Variants in HECW2 observed in about 807,000 individuals in gnomAD.
The protein encoded by HECW2 is HECT, C2 and WW domain containing E3 ubiquitin protein ligase 2.
In HECW2, 61 loss-of-function variants were observed where a neutral mutation model predicts 175.2. The observed-to-expected ratio is 0.35, with a 90% confidence interval of 0.28 to 0.43. The LOEUF (loss-of-function observed/expected upper bound fraction) is 0.43. HECW2 is among the 20% of genes least tolerant of loss of function. The probability of loss-of-function intolerance (pLI) is 1.00; values close to 1 mark genes in which losing one functional copy is unlikely to be tolerated. For missense variants in HECW2, 1,524 were observed against 2,000.5 expected (o/e 0.76, Z 4.54); for synonymous variants, 671 against 731.0 (o/e 0.92, Z 1.32).
chr2:196,444,208 T>C (rs893145210), intron 1 of HECW2, among the ~76,000 whole-genome samples: 7 of 152,228 alleles, frequency 4.6e-5, no homozygotes, highest in African/African-American at 4.8e-5. Context: ...TGTAGTTAAG[T>C]TGGTAAACTA....
chr2:196,580,582 C>G (rs1690738295), intron 1 of HECW2, among the ~76,000 whole-genome samples: 1 of 148,542 alleles, frequency 6.7e-6, no homozygotes, highest in African/African-American at 2.5e-5. Flanking sequence ...AAAAAATGTT[C>G]AACATCATTA....
intron 2 of HECW2, among the ~76,000 whole-genome samples, chr2:196,383,762 C>T (rs1371423440): frequency 1.3e-5 from 2 of 152,198 alleles, no homozygotes; most frequent in Non-Finnish European, 2.9e-5. Flanking sequence ...GTGAACATTT[C>T]AACTAAGAAA....
intron 28 of HECW2, among the ~76,000 whole-genome samples, chr2:196,211,888 G>A (rs1411913076): frequency 6.6e-6 from 1 of 152,126 alleles, no homozygotes; most frequent in Non-Finnish European, 1.5e-5. Flanking sequence ...TGTCGCCCAG[G>A]CTGGAGTGCA....
chr2:196,425,937 G>C (rs921772129), intron 2 of HECW2, among the ~76,000 whole-genome samples: 10 of 152,078 alleles, frequency 6.6e-5, no homozygotes, highest in African/African-American at 2.4e-4. Flanking sequence ...TTCGTGAAAG[G>C]AAGAGTCTGT....
chr2:196,314,965 T>TGAGGACAGACAAGTAGC (rs1437563939), intron 10 of HECW2, among the ~76,000 whole-genome samples: 2 of 152,026 alleles, frequency 1.3e-5, no homozygotes, highest in African/African-American at 4.8e-5. Context: ...CCAGCTGAGG[T>TGAGGACAGACAAGTAGC]GAGGACAGAC....
intron 26 of HECW2, among the ~76,000 whole-genome samples, chr2:196,219,588 C>T (rs1687593334): frequency 6.6e-6 from 1 of 152,174 alleles, no homozygotes; most frequent in Non-Finnish European, 1.5e-5. Flanking sequence ...TTATTCCATT[C>T]AAGTGTTCTG....
intron 2 of HECW2, among the ~76,000 whole-genome samples, chr2:196,381,042 A>C (rs1694193666): frequency 6.6e-6 from 1 of 152,162 alleles, no homozygotes; most frequent in Non-Finnish European, 1.5e-5. Context: ...TCTCCTCACA[A>C]TCATCCCTTG....
intron 2 of HECW2, among the ~76,000 whole-genome samples, chr2:196,417,219 T>C: frequency 6.6e-6 from 1 of 152,228 alleles, no homozygotes; most frequent in East Asian, 1.9e-4. Context: ...ATTTTAATGA[T>C]TCCAAATGAT....
intron 1 of HECW2, among the ~76,000 whole-genome samples, chr2:196,553,648 G>C (rs1286083923): frequency 3.3e-5 from 5 of 152,202 alleles, no homozygotes; most frequent in East Asian, 1.9e-4. Context: ...GCAGCAATTT[G>C]TTGGTCTAGG....
chr2:196,581,648 T>C (rs1366538452), intron 1 of HECW2, among the ~76,000 whole-genome samples: 1 of 152,204 alleles, frequency 6.6e-6, no homozygotes, highest in Non-Finnish European at 1.5e-5. Context: ...AAAATTTAGT[T>C]AGGAAAATGA....
At chr2:196,225,942 A>G in intron 22 of HECW2, 72 bp from the exon 23 acceptor site, 1 of 932,340 alleles carries the variant, frequency 1.1e-6, no homozygotes, top group Non-Finnish European at 1.8e-6. Context: ...TGCTTTCTAG[A>G]ATGCCTTCCA....
intron 2 of HECW2, among the ~76,000 whole-genome samples, chr2:196,368,732 T>C (rs2105898329): frequency 6.6e-6 from 1 of 152,230 alleles, no homozygotes; most frequent in Non-Finnish European, 1.5e-5. Flanking sequence ...TTTTTTCTTC[T>C]GCTTGATCAA....
chr2:196,350,174 G>A (rs369901969), intron 2 of HECW2, among the ~76,000 whole-genome samples: 35 of 152,190 alleles, frequency 2.3e-4, no homozygotes, highest in African/African-American at 7.9e-4. Flanking sequence ...GATCAGCCTG[G>A]CTAACATGGT....
At position 196,479,703 on chromosome 2, in the gene HECW2, A is replaced by G. The variant is rs180910716; in HGVS notation, c.-35-46245T>C. ...TCTCTCTCCTCTCCCTCCACCAGCA[A>G]CCTCTCCAGATCTCCTTATTTCTAT... On this transcript the variant is annotated intron_variant, in intron 1 of 28. Transcript: ENST00000644978. Among the ~76,000 whole-genome samples, 4 of 151,942 alleles carry G rather than the reference A, an allele frequency of 2.6e-5. No homozygotes were observed. The East Asian group carries it at 7.7e-4, about 29-fold the overall frequency.
intron 1 of HECW2, among the ~76,000 whole-genome samples, chr2:196,556,639 G>A (rs537279739): frequency 2.6e-5 from 4 of 152,248 alleles, no homozygotes; most frequent in African/African-American, 7.2e-5. Flanking sequence ...CTTTTTGCCT[G>A]GCAATTGTCT....
rs1279988047 is a variant in HECW2, at chr2:196,379,700, AAAAC to A, written c.293-35940_293-35937del. On this transcript the variant is annotated intron_variant, in intron 2 of 28. Transcript: ENST00000644978. ...ACTCCGTCTCAAAAAAAAAAAAAAA[AAAAC>A]AAAAAGATTATGGCACCTTAAGGAC... 1.4e-3 allele frequency among the ~76,000 whole-genome samples: 22 copies of A among 15,524 alleles called. No individual in the cohort carries two copies. The South Asian group carries it at 0.053, about 37-fold the overall frequency. 10.2% of individuals were successfully genotyped at this position (15,524 alleles called of 152,430 possible). A position where few individuals can be genotyped will look rare whatever the true frequency, so the allele number is the denominator to read the frequency against.
chr2:196,370,705 C>T (rs1693882921), intron 2 of HECW2, among the ~76,000 whole-genome samples: 1 of 152,202 alleles, frequency 6.6e-6, no homozygotes, highest in African/African-American at 2.4e-5. Context: ...GTTCTGACTG[C>T]TAGAATGAGT....
chr2:196,240,535 T>C lies in HECW2; in HGVS notation c.3678A>G (p.Leu1226=), dbSNP rs555159490. Residue 1226 remains leucine, a synonymous_variant, in exon 21 of 29, where the codon CTA becomes CTG. Transcript: ENST00000644978. ...LKLIIRRDHL[L]EDAFNQIMGY... ...CCATAATCTGATTAAAAGCATCTTC[T>C]AGTAAGTGATCTCTTCGGATAATTA... is the stretch of plus-strand genomic sequence containing the variant. 30 of 1,610,324 alleles carry C rather than the reference T, an allele frequency of 1.9e-5. No homozygotes were observed. The Middle Eastern group carries it at 4.9e-4, about 27-fold the overall frequency.
At position 196,574,435 on chromosome 2, in the gene HECW2, G is replaced by GA. The variant is rs555244183; in HGVS notation, c.-36+19072dup. On this transcript the variant is annotated intron_variant, in intron 1 of 28. Coordinates refer to ENST00000644978, the MANE Select transcript of HECW2 (RefSeq NM_001348768.2). ...ATAGAGTGAGACTCTGTCTCAAGAA[G>GA]AAAAAAAAAAAGAATAAAATACTTA... 1.3e-3 allele frequency among the ~76,000 whole-genome samples: 170 copies of GA among 135,034 alleles called. 2 individuals carry two copies. The highest frequency in any genetic ancestry group is 0.01 in the East Asian group (48 of 4,702). 88.6% of individuals were successfully genotyped at this position (135,034 alleles called of 152,430 possible).
Sources: allele counts gnomAD v4.1 joint callset (sites outside exome capture counted in the v4.1 genomes callset), GRCh38; gene constraint gnomAD v4.1.1; transcripts MANE v1.5; gene names NCBI Gene and HGNC (gene_info 2026-07-23, HGNC 2026-07-21).